SOX5: variants seen among roughly 807,000 people sequenced by gnomAD.
SOX5 encodes the protein SRY-box transcription factor 5.
SOX5 carries 9 observed loss-of-function variants against 92.0 expected under a neutral mutation model. The observed-to-expected ratio is 0.10, with a 90% CI of 0.06 to 0.17. The LOEUF is 0.17. SOX5 is among the 10% of genes least tolerant of loss of function. SOX5 has a pLI of 1.00. For missense variants in SOX5, 642 were observed against 944.5 expected, an observed-to-expected ratio of 0.68 and a Z score of 4.20; for synonymous variants, 344 against 336.3, an observed-to-expected ratio of 1.02 and a Z score of -0.25.
At chr12:23,634,917 A>G (rs1454851543) in intron 8 of SOX5, among the ~76,000 whole-genome samples, 1 of 152,340 alleles carries the variant, frequency 6.6e-6, no homozygotes, top group African/African-American at 2.4e-5. Flanking sequence ...ATACATTGTT[A>G]AGATTCATTC....
intron 3 of SOX5, among the ~76,000 whole-genome samples, chr12:24,272,089 T>C (rs1943831823): frequency 1.3e-5 from 2 of 152,304 alleles, no homozygotes; most frequent in Middle Eastern, 6.8e-3. Context: ...AAGAGACATC[T>C]TTACAATATT....
rs150763076 is a variant in SOX5, at chr12:24,055,098, A to T, written c.-2+158245T>A. Among the ~76,000 whole-genome samples the T allele has an allele frequency of 6.0e-3, 915 of 152,342 alleles. 10 individuals are homozygous for T. Among genetic ancestry groups the T allele is most frequent in the South Asian group, 0.034 (164 of 4,830 alleles). On this transcript the variant is annotated intron_variant, in intron 4 of 4. Transcript: ENST00000446891. ...AAAAGATAGCTTTTATTTTCAATAA[A>T]ATGGTTCTGGACATCTTAACATAAA...
intron 11 of SOX5, among the ~76,000 whole-genome samples, chr12:23,548,681 A>G (rs984480171): frequency 3.9e-5 from 6 of 152,034 alleles, no homozygotes; most frequent in Non-Finnish European, 5.9e-5. Context: ...AATTCAGAAG[A>G]AAAAGAAACT....
At chr12:24,175,416 G>A (rs1301491068) in intron 4 of SOX5, among the ~76,000 whole-genome samples, 4 of 152,230 alleles carry the variant, frequency 2.6e-5, no homozygotes, top group Admixed American at 2.0e-4. Context: ...TCTACTCTCA[G>A]AAGCTCTGTT....
chr12:23,972,985 C>G (rs77717250), intron 4 of SOX5, among the ~76,000 whole-genome samples: 15 of 152,190 alleles, frequency 9.9e-5, no homozygotes, highest in East Asian at 3.9e-4. Flanking sequence ...CTCCCTCCCC[C>G]CAAGCCTCAA....
At chr12:24,433,938 G>T (rs1225527479) in intron 1 of SOX5, among the ~76,000 whole-genome samples, 1 of 152,052 alleles carries the variant, frequency 6.6e-6, no homozygotes, top group African/African-American at 2.4e-5. Flanking sequence ...CTTGTGTTCT[G>T]GGAAAAAGAG....
chr12:24,381,190 T>C (rs945793239), intron 1 of SOX5, among the ~76,000 whole-genome samples: 2 of 152,228 alleles, frequency 1.3e-5, no homozygotes, highest in African/African-American at 4.8e-5. Context: ...GCTTTACTCA[T>C]TGACCAACGA....
chr12:24,069,419 G>T (rs1258789552), intron 4 of SOX5, among the ~76,000 whole-genome samples: 2 of 152,088 alleles, frequency 1.3e-5, no homozygotes, highest in African/African-American at 2.4e-5. Flanking sequence ...TAACTGCATA[G>T]CAAAGCAACT....
chr12:24,465,141 T>C (rs1157564158), intron 1 of SOX5, among the ~76,000 whole-genome samples: 2 of 152,252 alleles, frequency 1.3e-5, no homozygotes, highest in Non-Finnish European at 2.9e-5. Context: ...AGGTACTACC[T>C]TCATCTTTCT....
chr12:24,234,938 C>T (rs1964155224), intron 3 of SOX5, among the ~76,000 whole-genome samples: 1 of 152,170 alleles, frequency 6.6e-6, no homozygotes, highest in Non-Finnish European at 1.5e-5. Flanking sequence ...TCCTAAAACA[C>T]ACAGGTCAAC....
At chr12:23,815,521 A>G (rs939740172) in intron 3 of SOX5, among the ~76,000 whole-genome samples, 6 of 152,206 alleles carry the variant, frequency 3.9e-5, no homozygotes, top group Non-Finnish European at 7.3e-5. Flanking sequence ...TGGTCCATTG[A>G]CTTAATAAAA....
chr12:23,770,048 G>GTT (rs71059922), intron 3 of SOX5, among the ~76,000 whole-genome samples: 16,650 of 106,366 alleles, frequency 0.16, 1,763 homozygotes, highest in African/African-American at 0.18. Context: ...TGCTCCCTCT[G>GTT]TTTTTTTTTT....
intron 3 of SOX5, among the ~76,000 whole-genome samples, chr12:23,779,654 C>T (rs1211617155): frequency 2.0e-5 from 3 of 151,046 alleles, no homozygotes; most frequent in Non-Finnish European, 4.4e-5. Flanking sequence ...AAGGAAGAAA[C>T]ATTAGCCTAA....
At chr12:24,315,963 C>T (rs1336883421) in intron 2 of SOX5, among the ~76,000 whole-genome samples, 29 of 152,176 alleles carry the variant, frequency 1.9e-4, no homozygotes, top group Admixed American at 1.6e-3. Flanking sequence ...AAAGCTAAGG[C>T]CTTCAGCCAC....
intron 3 of SOX5, among the ~76,000 whole-genome samples, chr12:23,835,263 C>T (rs573929001): frequency 5.9e-5 from 9 of 151,602 alleles, no homozygotes; most frequent in Admixed American, 4.0e-4. Context: ...AAAACAAAAG[C>T]GAGAAAAGAA....
intron 4 of SOX5, among the ~76,000 whole-genome samples, chr12:24,028,205 C>T (rs1313189007): frequency 6.6e-6 from 1 of 151,944 alleles, no homozygotes; most frequent in Non-Finnish European, 1.5e-5. Flanking sequence ...ACACCATGTA[C>T]TTATAAGGTG....
intron 1 of SOX5, among the ~76,000 whole-genome samples, chr12:23,921,741 C>G (rs189200467): frequency 5.3e-5 from 8 of 152,332 alleles, no homozygotes; most frequent in Admixed American, 3.3e-4. Flanking sequence ...AACCACCCAG[C>G]CTTCTTACAA....
intron 1 of SOX5, among the ~76,000 whole-genome samples, chr12:24,529,574 T>C (rs1950995834): frequency 6.6e-6 from 1 of 152,186 alleles, no homozygotes; most frequent in Non-Finnish European, 1.5e-5. Flanking sequence ...AGTTCAAAGA[T>C]GAAGGTCATG....
intron 2 of SOX5, among the ~76,000 whole-genome samples, chr12:24,333,475 T>C (rs1284691918): frequency 1.3e-5 from 2 of 152,018 alleles, no homozygotes; most frequent in Non-Finnish European, 2.9e-5. Context: ...TATCCACTAA[T>C]CTTAAGGAGA....
Sources: gnomAD v4.1 joint callset for allele counts (sites outside exome capture counted in the v4.1 genomes callset) on GRCh38, gnomAD v4.1.1 for gene constraint, MANE v1.5 for transcripts, NCBI Gene and HGNC (gene_info 2026-07-23, HGNC 2026-07-21) for gene names.